Variants in EGFLAM observed in about 807,000 individuals in gnomAD.
The protein encoded by EGFLAM is pikachurin.
Under a neutral mutation model 113.1 loss-of-function variants are expected in EGFLAM, and 79 were observed. The observed-to-expected ratio is 0.70, with a 90% confidence interval of 0.58 to 0.84. EGFLAM has a LOEUF of 0.84. EGFLAM is among the 40% of genes least tolerant of loss of function. The pLI, the probability that EGFLAM is intolerant of heterozygous loss-of-function variation, is 0.00. For missense variants in EGFLAM, 1,265 were observed against 1,291.6 expected, an observed-to-expected ratio of 0.98 and a Z score of 0.32; for synonymous variants, 504 against 487.6, an observed-to-expected ratio of 1.03 and a Z score of -0.44.
intron 10 of EGFLAM, among the ~76,000 whole-genome samples, chr5:38,411,068 C>G (rs183301016): frequency 4.3e-4 from 65 of 152,126 alleles, no homozygotes; most frequent in Non-Finnish European, 7.2e-4. Flanking sequence ...TCTTATGGGT[C>G]CTGTCCTTTT....
chr5:38,427,350 C>T (rs1184010540), intron 14 of EGFLAM, 98 bp downstream of exon 14: 82 of 1,532,150 alleles, frequency 5.4e-5, no homozygotes, highest in Middle Eastern at 2.4e-4. Flanking sequence ...TCACACTCAT[C>T]CTGTCTTCTC....
intron 1 of EGFLAM, among the ~76,000 whole-genome samples, chr5:38,330,856 A>G (rs554343745): frequency 6.6e-5 from 10 of 152,328 alleles, no homozygotes; most frequent in South Asian, 2.1e-4. Flanking sequence ...CTCTTCGCTT[A>G]GCAATAAATG....
intron 15 of EGFLAM, among the ~76,000 whole-genome samples, chr5:38,431,928 G>C (rs561894052): frequency 6.6e-6 from 1 of 152,296 alleles, no homozygotes; most frequent in Non-Finnish European, 1.5e-5. Flanking sequence ...AGTGGTGGTG[G>C]TGGTCGTGGT....
At chr5:38,287,249 T>C (rs748694618) in intron 1 of EGFLAM, among the ~76,000 whole-genome samples, 37 of 152,210 alleles carry the variant, frequency 2.4e-4, no homozygotes, top group Non-Finnish European at 4.6e-4. Context: ...ATGTGTAAAA[T>C]GGGGATAAAT....
intron 14 of EGFLAM, among the ~76,000 whole-genome samples, chr5:38,427,964 C>A (rs1318957934): frequency 1.3e-5 from 2 of 152,124 alleles, no homozygotes; most frequent in African/African-American, 2.4e-5. Flanking sequence ...TTCCTTGGAG[C>A]CTGTAGTTGG....
At chr5:38,460,258 T>G (rs1188999896) in intron 20 of EGFLAM, among the ~76,000 whole-genome samples, 1 of 152,216 alleles carries the variant, frequency 6.6e-6, no homozygotes, top group Non-Finnish European at 1.5e-5. Context: ...TGTGGAATAA[T>G]TTTTAAGCCT....
intron 1 of EGFLAM, among the ~76,000 whole-genome samples, chr5:38,307,417 G>C (rs1758750446): frequency 6.6e-6 from 1 of 152,198 alleles, no homozygotes. Flanking sequence ...AGATCTGATG[G>C]TTTTATGGGG....
At chr5:38,441,822 T>C (rs958234602) in intron 17 of EGFLAM, among the ~76,000 whole-genome samples, 2 of 152,194 alleles carry the variant, frequency 1.3e-5, no homozygotes, top group Admixed American at 6.5e-5. Flanking sequence ...CCTGGGAAAC[T>C]AAGCTTTGGC....
chr5:38,417,364 A>C (rs867853683), intron 11 of EGFLAM, among the ~76,000 whole-genome samples: 2,170 of 148,898 alleles, frequency 0.015, 34 homozygotes, highest in Non-Finnish European at 0.017. Flanking sequence ...AAAAAAAAAA[A>C]AAAAACAAAA....
intron 2 of EGFLAM, 68 bp from the exon 3 acceptor site, chr5:38,338,630 C>A: frequency 1.4e-6 from 2 of 1,453,282 alleles, no homozygotes; most frequent in Non-Finnish European, 1.9e-6. Context: ...ACTGTGAGTG[C>A]AATTACAACC....
chr5:38,423,423 A>C (rs142574505), intron 12 of EGFLAM, among the ~76,000 whole-genome samples: 9 of 152,144 alleles, frequency 5.9e-5, no homozygotes, highest in African/African-American at 2.2e-4. Context: ...TCTGGCTTTC[A>C]TGACCTCCCC....
chr5:38,324,968 T>G (rs982449135), intron 1 of EGFLAM, among the ~76,000 whole-genome samples: 5 of 152,114 alleles, frequency 3.3e-5, no homozygotes, highest in African/African-American at 1.2e-4. Context: ...AAAAGAAAGA[T>G]GATGAATTCA....
intron 11 of EGFLAM, among the ~76,000 whole-genome samples, chr5:38,413,185 ATTT>A (rs34326457): frequency 1.2e-3 from 124 of 100,890 alleles, no homozygotes; most frequent in Middle Eastern, 6.5e-3. Flanking sequence ...TGCCTGGCTA[ATTT>A]TTTTTTTTTT....
intron 1 of EGFLAM, among the ~76,000 whole-genome samples, chr5:38,283,194 G>A (rs1031728886): frequency 5.9e-5 from 9 of 152,062 alleles, no homozygotes; most frequent in Non-Finnish European, 4.4e-5. Context: ...ACAGTCTTTT[G>A]ATTGAATGAC....
intron 12 of EGFLAM, 106 bp from the exon 13 acceptor site, chr5:38,424,861 C>G: frequency 1.4e-6 from 2 of 1,452,336 alleles, no homozygotes; most frequent in Non-Finnish European, 9.2e-7. Context: ...GGAGTAAGAA[C>G]TGAAATGTAT....
intron 1 of EGFLAM, among the ~76,000 whole-genome samples, chr5:38,275,934 T>C (rs569200792): frequency 6.6e-6 from 1 of 152,218 alleles, no homozygotes; most frequent in South Asian, 2.1e-4. Flanking sequence ...AAATCGCAAA[T>C]ACATGGAAAT....
chr5:38,350,277 A>C (rs1229738705), intron 3 of EGFLAM, among the ~76,000 whole-genome samples: 1 of 152,206 alleles, frequency 6.6e-6, no homozygotes, highest in Non-Finnish European at 1.5e-5. Context: ...TTCTAGGACC[A>C]TGGATAGATT....
chr5:38,306,914 C>A (rs1277827713), intron 1 of EGFLAM, among the ~76,000 whole-genome samples: 1 of 152,176 alleles, frequency 6.6e-6, no homozygotes, highest in Non-Finnish European at 1.5e-5. Flanking sequence ...TATGAAGAGT[C>A]CTCACACAGG....
At chr5:38,297,120 A>C (rs1318961217) in intron 1 of EGFLAM, among the ~76,000 whole-genome samples, 1 of 152,224 alleles carries the variant, frequency 6.6e-6, no homozygotes, top group Non-Finnish European at 1.5e-5. Context: ...GGATCCTGAA[A>C]CAGAAAAAGG....
Sources: gnomAD v4.1 joint callset for allele counts (sites outside exome capture counted in the v4.1 genomes callset) on GRCh38, gnomAD v4.1.1 for gene constraint, MANE v1.5 for transcripts, NCBI Gene and HGNC (gene_info 2026-07-23, HGNC 2026-07-21) for gene names.